BIRC6: variants seen among roughly 807,000 people sequenced by gnomAD.
The protein encoded by BIRC6 is dual E2 ubiquitin-conjugating enzyme/E3 ubiquitin-protein ligase BIRC6.
BIRC6 carries 98 observed loss-of-function variants against 503.3 expected under a neutral mutation model. The observed-to-expected ratio is 0.19, with a 90% CI of 0.17 to 0.23. The LOEUF (loss-of-function observed/expected upper bound fraction) is 0.23, where lower values mean the gene tolerates loss of function less well. Among genes scored for constraint, BIRC6 ranks in the 10% least tolerant of loss-of-function variants. BIRC6 has a pLI of 1.00. For missense variants in BIRC6, 5,360 were observed against 5,806.0 expected (o/e 0.92, Z 2.50); for synonymous variants, 2,240 against 2,078.7 (o/e 1.08, Z -2.11).
At chr2:32,501,164 C>T in intron 46 of BIRC6, among the ~76,000 whole-genome samples, 1 of 152,074 alleles carries the variant, frequency 6.6e-6, no homozygotes, top group Non-Finnish European at 1.5e-5. Flanking sequence ...CATTTGTATA[C>T]TGTGGCAAAA....
chr2:32,405,048 G>A (rs2041042377), intron 8 of BIRC6, among the ~76,000 whole-genome samples: 1 of 152,144 alleles, frequency 6.6e-6, no homozygotes, highest in African/African-American at 2.4e-5. Flanking sequence ...GAAATATCAA[G>A]ACACCTGAAT....
intron 10 of BIRC6, among the ~76,000 whole-genome samples, chr2:32,416,395 C>CT (rs2042376516): frequency 6.6e-6 from 1 of 151,946 alleles, no homozygotes; most frequent in East Asian, 1.9e-4. Context: ...GTATCTTCTG[C>CT]TTTAACCTCA....
At position 32,490,165 on chromosome 2, in the gene BIRC6, T is replaced by G; in HGVS notation, c.8206+14T>G. The G allele has an allele frequency of 6.5e-7, 1 of 1,547,386 alleles. No individual in the cohort carries two copies. The highest frequency in any genetic ancestry group is 1.7e-5 in the Admixed American group (1 of 59,768). On this transcript the variant is annotated intron_variant, in intron 43 of 73. Coordinates refer to ENST00000421745, the MANE Select transcript of BIRC6 (RefSeq NM_016252.4). Reference sequence around the variant, plus strand: ...TGCAGCTTAATTGTAAGTTCATAAATTTATTCATTTAAATCTCTGACATAT... The same window carrying G: ...TGCAGCTTAATTGTAAGTTCATAAAGTTATTCATTTAAATCTCTGACATAT...
chr2:32,525,919 C>G lies in BIRC6; in HGVS notation c.11920+291C>G, dbSNP rs551175510. 3.9e-5 allele frequency among the ~76,000 whole-genome samples: 6 copies of G among 152,206 alleles called. No homozygotes were observed. The South Asian group carries it at 1.2e-3, about 32-fold the overall frequency. Reference sequence around the variant, plus strand: ...TGATGAAATAGACATTTAGAGAGTTCATGACAAGTTATTTAGGAAACACCG... The same window carrying G: ...TGATGAAATAGACATTTAGAGAGTTGATGACAAGTTATTTAGGAAACACCG... On this transcript the variant is annotated intron_variant, in intron 59 of 73. Coordinates refer to ENST00000421745, the MANE Select transcript of BIRC6 (RefSeq NM_016252.4).
At chr2:32,371,298 AAAGT>A (rs2035911015) in intron 1 of BIRC6, among the ~76,000 whole-genome samples, 1 of 152,064 alleles carries the variant, frequency 6.6e-6, no homozygotes, top group African/African-American at 2.4e-5. Context: ...GACTAAGGAA[AAAGT>A]AAGTACGTAT....
rs191923351 is a variant in BIRC6, at chr2:32,481,201, T to A, written c.7409-119T>A. 6.6e-4 allele frequency: 558 copies of A among 842,388 alleles called. 8 individuals carry two copies. The African/African-American group carries it at 9.3e-3, about 14-fold the overall frequency. 52.2% of individuals were successfully genotyped at this position (842,388 alleles called of 1,614,324 possible). A position where few individuals can be genotyped will look rare whatever the true frequency, so the allele number is the denominator to read the frequency against. On this transcript the variant is annotated intron_variant, in intron 37 of 73. Transcript: ENST00000421745. ...AGCGAAATGTTTGCATACATAGAGT[T>A]TTTTTTTTTAGGCATATGTAACATG...
In BIRC6 at chr2:32,549,680, T is replaced by G. The variant is rs547406937; in HGVS notation, c.13144+199T>G. Among the ~76,000 whole-genome samples, 5 of 152,358 alleles carry G rather than the reference T, an allele frequency of 3.3e-5. No individual in the cohort carries two copies. The South Asian group carries it at 1.0e-3, about 32-fold the overall frequency. ...CATAGAACACAGAATAATAAAAGTT[T>G]CATTATTCCTTTGTCTTTATCTGTG... is the stretch of plus-strand genomic sequence containing the variant. On this transcript the variant is annotated intron_variant, in intron 65 of 73. Coordinates refer to ENST00000421745, the MANE Select transcript of BIRC6 (RefSeq NM_016252.4).
rs2035621079 is a variant in BIRC6, at chr2:32,369,948, ATAT to A, written c.326-7639_326-7637del. On this transcript the variant is annotated intron_variant, in intron 1 of 73. Transcript: ENST00000421745. Reference sequence around the variant, plus strand: ...TCTTAAAAAAAAAAAAAAAAAAAATATATATATATATATATATATATATATATA... The same window carrying A: ...TCTTAAAAAAAAAAAAAAAAAAAATAATATATATATATATATATATATATA... Among the ~76,000 whole-genome samples, 153 of 23,788 alleles carry A rather than the reference ATAT, an allele frequency of 6.4e-3. 1 individual carries two copies. The highest frequency in any genetic ancestry group is 8.7e-3 in the Non-Finnish European group (119 of 13,622). 15.6% of individuals were successfully genotyped at this position (23,788 alleles called of 152,430 possible).
At chr2:32,600,268 A>G (rs1017265284) in intron 70 of BIRC6, among the ~76,000 whole-genome samples, 3 of 152,246 alleles carry the variant, frequency 2.0e-5, no homozygotes, top group Admixed American at 1.3e-4. Context: ...AAGACATAAT[A>G]AAAATCATCT....
Position 32,509,741 on chromosome 2 carries a change from T to A in BIRC6, c.9984T>A (p.Ile3328=). The A allele has an allele frequency of 6.2e-7, 1 of 1,613,918 alleles. No homozygotes were observed. Among genetic ancestry groups the A allele is most frequent in the Non-Finnish European group, 8.5e-7 (1 of 1,179,854 alleles). ...ACAAGTCATTTTGTATTTTCAGTATTGGATGGTTACGGTTATTACATCATT... is the reference window on the plus strand; with the variant it reads ...ACAAGTCATTTTGTATTTTCAGTATAGGATGGTTACGGTTATTACATCATT... ...PSEDQVSKTS[I]GWLRLLHHCL... Residue 3328 remains isoleucine (I), a synonymous_variant, in exon 52 of 74, where the codon ATT becomes ATA. Coordinates refer to ENST00000421745, the MANE Select transcript of BIRC6 (RefSeq NM_016252.4).
chr2:32,465,040 G>C (rs1273656313), intron 25 of BIRC6, 25 bp from the exon 26 acceptor site: 4 of 1,378,718 alleles, frequency 2.9e-6, no homozygotes, highest in Non-Finnish European at 3.0e-6. Flanking sequence ...TATAAAGTTA[G>C]ATTTTTTTTT....
At chr2:32,556,556 G>A (rs1373796494) in intron 65 of BIRC6, among the ~76,000 whole-genome samples, 3 of 152,270 alleles carry the variant, frequency 2.0e-5, no homozygotes, top group Admixed American at 2.0e-4. Flanking sequence ...TTAAGAGTGA[G>A]CTGTGTTTGT....
At position 32,499,586 on chromosome 2, in the gene BIRC6, A is replaced by G; in HGVS notation, c.8508A>G (p.Gln2836=). The G allele has an allele frequency of 6.2e-7, 1 of 1,613,352 alleles. No individual in the cohort carries two copies. Among genetic ancestry groups the G allele is most frequent in the Non-Finnish European group, 8.5e-7 (1 of 1,179,620 alleles). ...FQTGQGPLDA[Q]VKLLEFTLEQ... is the part of the protein sequence containing the mutation. The stretch of plus-strand genomic sequence containing the variant: ...CAGGCCAAGGACCTCTCGATGCCCA[A>G]GTGAAGCTCTTAGAATTCACTCTGG... Residue 2836 remains glutamine, a synonymous_variant, in exon 46 of 74, where the codon CAA becomes CAG. Coordinates refer to ENST00000421745, the MANE Select transcript of BIRC6 (RefSeq NM_016252.4).
intron 1 of BIRC6, among the ~76,000 whole-genome samples, chr2:32,372,357 T>C (rs2036109535): frequency 6.6e-6 from 1 of 152,182 alleles, no homozygotes; most frequent in African/African-American, 2.4e-5. Context: ...TATGGAGTTT[T>C]GTGTTTTCTA....
intron 51 of BIRC6, among the ~76,000 whole-genome samples, chr2:32,508,640 T>C (rs1203176286): frequency 6.6e-6 from 1 of 152,168 alleles, no homozygotes; most frequent in Non-Finnish European, 1.5e-5. Flanking sequence ...CCTAGTCTTA[T>C]ATGGTAATTC....
At chr2:32,493,899 T>G (rs1224263407) in intron 45 of BIRC6, among the ~76,000 whole-genome samples, 1 of 152,210 alleles carries the variant, frequency 6.6e-6, no homozygotes, top group Non-Finnish European at 1.5e-5. Flanking sequence ...AGGAATACAG[T>G]TGACTTGCTT....
At chr2:32,586,051 G>C (rs1338260963) in intron 66 of BIRC6, among the ~76,000 whole-genome samples, 2 of 152,086 alleles carry the variant, frequency 1.3e-5, no homozygotes, top group African/African-American at 4.8e-5. Context: ...ATGGAAAACA[G>C]TATTGATGAA....
In BIRC6 at chr2:32,403,257, A is replaced by G. The variant is rs550065767; in HGVS notation, c.1418+1634A>G. Among the ~76,000 whole-genome samples, 13 of 152,328 alleles carry G rather than the reference A, an allele frequency of 8.5e-5. No individual in the cohort carries two copies. In the East Asian group the frequency reaches 1.9e-3, roughly 23 times the overall value. On this transcript the variant is annotated intron_variant, in intron 8 of 73. Coordinates refer to ENST00000421745, the MANE Select transcript of BIRC6 (RefSeq NM_016252.4). Reference sequence around the variant, plus strand: ...GCCACACTACCTCTCACTTTATGTGACACAAGATCCAATATGTTTGGTTAT... The same window carrying G: ...GCCACACTACCTCTCACTTTATGTGGCACAAGATCCAATATGTTTGGTTAT...
At chr2:32,435,703 A>G (rs2044620557) in intron 14 of BIRC6, 118 bp downstream of exon 14, 1 of 1,070,578 alleles carries the variant, frequency 9.3e-7, no homozygotes, top group Non-Finnish European at 1.3e-6. Flanking sequence ...AACACAATTA[A>G]AAAATAACCT....
Sources: gnomAD v4.1 joint callset for allele counts (sites outside exome capture counted in the v4.1 genomes callset) on GRCh38, gnomAD v4.1.1 for gene constraint, MANE v1.5 for transcripts, NCBI Gene and HGNC (gene_info 2026-07-23, HGNC 2026-07-21) for gene names.